Variants in AGBL1 observed in about 807,000 individuals in gnomAD.
AGBL1 encodes the protein AGBL carboxypeptidase 1.
In AGBL1, 130 loss-of-function variants were observed where a neutral mutation model predicts 118.9. The ratio of observed to expected loss-of-function variants is 1.09; its 90% CI spans 0.95 to 1.26. The LOEUF is 1.26. Among genes scored for constraint, AGBL1 ranks in the 50% most tolerant of loss-of-function variants. AGBL1 has a pLI of 0.00. For synonymous variants in AGBL1, 555 were observed against 478.9 expected (o/e 1.16, Z -2.08); for missense variants, 1,584 against 1,298.1 (o/e 1.22, Z -3.38).
intron 22 of AGBL1, among the ~76,000 whole-genome samples, chr15:86,738,376 C>T (rs567103101): frequency 1.5e-4 from 23 of 151,838 alleles, no homozygotes; most frequent in Middle Eastern, 6.8e-3. Flanking sequence ...AAATGCCAGC[C>T]ATAGCAATCA....
At chr15:86,562,846 T>C (rs555674886) in intron 21 of AGBL1, among the ~76,000 whole-genome samples, 2 of 141,544 alleles carry the variant, frequency 1.4e-5, no homozygotes, top group Admixed American at 7.1e-5. Context: ...ATTCAGGGAA[T>C]CAACTTCTTC....
chr15:86,134,106 C>T (rs2076854509), intron 1 of AGBL1, among the ~76,000 whole-genome samples: 1 of 152,176 alleles, frequency 6.6e-6, no homozygotes, highest in African/African-American at 2.4e-5. Context: ...CTGCCTGTTT[C>T]CTCTTGTGTG....
At chr15:86,719,016 TC>T (rs1029797893) in intron 22 of AGBL1, among the ~76,000 whole-genome samples, 2 of 151,600 alleles carry the variant, frequency 1.3e-5, no homozygotes, top group Non-Finnish European at 2.9e-5. Context: ...AACACCCCTT[TC>T]CCCCCATTCA....
intron 24 of AGBL1, among the ~76,000 whole-genome samples, chr15:87,005,337 T>C (rs936630939): frequency 2.3e-4 from 35 of 152,222 alleles, no homozygotes; most frequent in Non-Finnish European, 4.4e-5. Flanking sequence ...CAATCAGATG[T>C]AGATTTGGTC....
At chr15:86,180,585 C>A (rs549852217) in intron 5 of AGBL1, among the ~76,000 whole-genome samples, 4 of 152,114 alleles carry the variant, frequency 2.6e-5, no homozygotes, top group African/African-American at 9.6e-5. Context: ...GAAGAAAACA[C>A]AGAGGAAAAC....
chr15:86,912,492 C>T lies in AGBL1; in HGVS notation c.*5198C>T, dbSNP rs950021305. On this transcript the variant is annotated 3_prime_UTR_variant, in exon 23 of 23. Coordinates refer to ENST00000614907, the MANE Select transcript of AGBL1 (RefSeq NM_001386094.1). The stretch of plus-strand genomic sequence containing the variant: ...AATAAGAATCAGCATCCAAGAATTC[C>T]ATACATTGGCTTCAGTTTCCTTCCA... 6.6e-6 allele frequency: 1 copy of T among 152,106 alleles called. No homozygotes were observed. Among genetic ancestry groups the T allele is most frequent in the African/African-American group, 2.4e-5 (1 of 41,358 alleles). The allele number at this position is 152,106 out of a possible 1,614,324, so 9.4% of individuals were successfully genotyped here.
In AGBL1 at chr15:86,247,853, A is replaced by G. The variant is rs759880946; in HGVS notation, c.709A>G (p.Met237Val). 2 of 1,613,804 alleles carry G rather than the reference A, an allele frequency of 1.2e-6. No individual in the cohort carries two copies. The highest frequency in any genetic ancestry group is 1.7e-6 in the Non-Finnish European group (2 of 1,179,902). ...GREAFLAAQG[M>V]EILFSTTQNC... is the part of the protein sequence containing the mutation. ...GGAGGCCTTCCTGGCAGCACAGGGC[A>G]TGGAGATCCTCTTCAGCACCACACA... The change falls in exon 7 of 23, where the codon ATG becomes GTG. Residue 237 changes from methionine (M) to valine (V), a missense_variant. Met to Val is a conservative substitution (Grantham distance 21). Transcript: ENST00000614907.
At chr15:86,558,293 G>A (rs1420808445) in intron 21 of AGBL1, among the ~76,000 whole-genome samples, 1 of 152,084 alleles carries the variant, frequency 6.6e-6, no homozygotes, top group Non-Finnish European at 1.5e-5. Flanking sequence ...GTAACTAAAG[G>A]ACCCCATCTT....
chr15:86,120,474 A>G (rs951002447), intron 1 of AGBL1, among the ~76,000 whole-genome samples: 8 of 152,206 alleles, frequency 5.3e-5, no homozygotes, highest in Admixed American at 1.3e-4. Context: ...TAAGCATGCA[A>G]ATCAATACTG....
At chr15:86,964,624 A>G (rs1257907118) in intron 23 of AGBL1, among the ~76,000 whole-genome samples, 1 of 151,664 alleles carries the variant, frequency 6.6e-6, no homozygotes, top group Non-Finnish European at 1.5e-5. Context: ...CTGCTTCTAA[A>G]AGAAATAGAA....
At chr15:86,298,303 CTA>C (rs1359344715) in intron 17 of AGBL1, among the ~76,000 whole-genome samples, 2 of 71,356 alleles carry the variant, frequency 2.8e-5, no homozygotes, top group African/African-American at 5.7e-5. Flanking sequence ...TATATGGTAG[CTA>C]TATATATATA....
At chr15:86,815,155 C>T (rs1338575001) in intron 22 of AGBL1, among the ~76,000 whole-genome samples, 2 of 152,068 alleles carry the variant, frequency 1.3e-5, no homozygotes, top group Non-Finnish European at 1.5e-5. Flanking sequence ...GAGGAACTGG[C>T]TTATGCTTTA....
At chr15:86,255,716 A>G (rs2078884549) in intron 7 of AGBL1, among the ~76,000 whole-genome samples, 1 of 152,026 alleles carries the variant, frequency 6.6e-6, no homozygotes, top group African/African-American at 2.4e-5. Flanking sequence ...CGGGAGGTGG[A>G]GGTTGCTGTG....
At chr15:86,577,545 A>T (rs2084109160) in intron 21 of AGBL1, among the ~76,000 whole-genome samples, 1 of 152,198 alleles carries the variant, frequency 6.6e-6, no homozygotes, top group South Asian at 2.1e-4. Flanking sequence ...CCAAATGTTA[A>T]TCCCCAAGAC....
intron 22 of AGBL1, among the ~76,000 whole-genome samples, chr15:86,805,921 G>A (rs1305484103): frequency 6.6e-6 from 1 of 152,134 alleles, no homozygotes; most frequent in Non-Finnish European, 1.5e-5. Context: ...CAACACTACA[G>A]TTAGAGCTCT....
intron 6 of AGBL1, among the ~76,000 whole-genome samples, chr15:86,239,813 A>G (rs976208421): frequency 2.6e-5 from 4 of 152,216 alleles, no homozygotes; most frequent in African/African-American, 7.2e-5. Flanking sequence ...AAGAAGCTGG[A>G]TTAGTGGTAA....
At chr15:86,361,998 T>C (rs1596016118) in intron 17 of AGBL1, among the ~76,000 whole-genome samples, 1 of 152,338 alleles carries the variant, frequency 6.6e-6, no homozygotes, top group East Asian at 1.9e-4. Flanking sequence ...CCAACTGTTT[T>C]GTAGTTTCTT....
chr15:87,019,953 T>A (rs565612817), intron 24 of AGBL1, among the ~76,000 whole-genome samples: 3 of 151,668 alleles, frequency 2.0e-5, no homozygotes, highest in Admixed American at 1.3e-4. Context: ...CACAGAAATA[T>A]AAACAACCAT....
chr15:87,008,505 C>G (rs185055486), intron 24 of AGBL1, among the ~76,000 whole-genome samples: 1 of 152,218 alleles, frequency 6.6e-6, no homozygotes, highest in Non-Finnish European at 1.5e-5. Flanking sequence ...ATGACTTTAT[C>G]AGCAGTATGA....
Sources: allele counts gnomAD v4.1 joint callset (sites outside exome capture counted in the v4.1 genomes callset), GRCh38; gene constraint gnomAD v4.1.1; transcripts MANE v1.5; gene names NCBI Gene and HGNC (gene_info 2026-07-23, HGNC 2026-07-21).